Variants in LGR6 observed in about 807,000 individuals in gnomAD.
LGR6 encodes leucine rich repeat containing G protein-coupled receptor 6.
Under a neutral mutation model 69.4 loss-of-function variants are expected in LGR6, and 45 were observed. That is an observed-to-expected ratio of 0.65 (90% CI 0.51 to 0.83). The LOEUF is 0.83. Among genes scored for constraint, LGR6 ranks in the 40% least tolerant of loss-of-function variants. The pLI is 0.00. For missense variants in LGR6, 1,108 were observed against 1,246.7 expected, an observed-to-expected ratio of 0.89 and a Z score of 1.68; for synonymous variants, 538 against 555.0, an observed-to-expected ratio of 0.97 and a Z score of 0.43.
chr1:202,307,660 C>G lies in LGR6; in HGVS notation c.1280+259C>G, dbSNP rs906115533. 4.6e-5 allele frequency among the ~76,000 whole-genome samples: 7 copies of G among 152,182 alleles called. No individual in the cohort carries two copies. In the South Asian group the frequency reaches 1.4e-3, roughly 32 times the overall value. ...GGCAGCCTCAGCCCTCCTCATCCCC[C>G]CTGCCTCGGTCCCATCCCCATCCTC... On this transcript the variant is annotated intron_variant, in intron 14 of 17. Coordinates refer to ENST00000367278, the MANE Select transcript of LGR6 (RefSeq NM_001017403.2).
rs1397213585 is a variant in LGR6 at position 202,306,942 on chromosome 1, G to A, written c.1208+3G>A. ...CAGCTGAGCTCCCTGCAAGCCCTGTGAGTACCCACATCCAGGGGTGGGCCA... is the reference window on the plus strand; with the variant it reads ...CAGCTGAGCTCCCTGCAAGCCCTGTAAGTACCCACATCCAGGGGTGGGCCA... On this transcript the variant is annotated splice_donor_region_variant and intron_variant, in intron 13 of 17. Transcript: ENST00000367278. 2.5e-6 allele frequency: 4 copies of A among 1,613,466 alleles called. No individual in the cohort carries two copies. The highest frequency in any genetic ancestry group is 3.4e-6 in the Non-Finnish European group (4 of 1,179,594).
intron 17 of LGR6, among the ~76,000 whole-genome samples, chr1:202,315,763 T>A (rs922304145): frequency 9.2e-5 from 14 of 152,200 alleles, no homozygotes; most frequent in Non-Finnish European, 2.1e-4. Context: ...GAGTTTTCAG[T>A]GCTTGGTGAC....
chr1:202,254,327 T>C (rs1345777926), intron 4 of LGR6, among the ~76,000 whole-genome samples: 1 of 152,218 alleles, frequency 6.6e-6, no homozygotes, highest in Non-Finnish European at 1.5e-5. Context: ...TGAGGCAGGA[T>C]GCTTTGTGCA....
intron 1 of LGR6, among the ~76,000 whole-genome samples, chr1:202,219,886 A>AT (rs896839703): frequency 2.6e-5 from 4 of 151,764 alleles, no homozygotes; most frequent in South Asian, 4.2e-4. Flanking sequence ...TATTTTATTT[A>AT]TTTTTTTTGA....
At chr1:202,205,650 A>G (rs1659179644) in intron 1 of LGR6, among the ~76,000 whole-genome samples, 1 of 144,904 alleles carries the variant, frequency 6.9e-6, no homozygotes, top group Non-Finnish European at 1.5e-5. Flanking sequence ...AAACACACAC[A>G]CACACGCACA....
intron 2 of LGR6, among the ~76,000 whole-genome samples, chr1:202,226,779 G>A (rs6688835): frequency 0.019 from 2,916 of 152,302 alleles, 110 homozygotes; most frequent in African/African-American, 0.066. Flanking sequence ...GTAAGGGAGT[G>A]GTCAGGGTTG....
chr1:202,282,070 C>T (rs936999563), intron 6 of LGR6, among the ~76,000 whole-genome samples: 4 of 152,292 alleles, frequency 2.6e-5, no homozygotes, highest in African/African-American at 9.6e-5. Flanking sequence ...TAGCCTGAAG[C>T]GGGAGAAATG....
Position 202,318,874 on chromosome 1 carries a change from G to A in LGR6, c.2571G>A (p.Gly857=), listed in dbSNP as rs1213167665. ...DSGPLAYAAA[G]ELEKSSCDST... ...GGCCCCTAGCCTATGCTGCGGCCGGGGAGCTGGAGAAGAGCTCCTGTGATT... is the reference window on the plus strand; with the variant it reads ...GGCCCCTAGCCTATGCTGCGGCCGGAGAGCTGGAGAAGAGCTCCTGTGATT... Residue 857 remains glycine, a synonymous_variant, in exon 18 of 18, where the codon GGG becomes GGA. Transcript: ENST00000367278. The A allele has an allele frequency of 6.2e-7, 1 of 1,613,968 alleles. No individual in the cohort carries two copies. The highest frequency in any genetic ancestry group is 1.1e-5 in the South Asian group (1 of 91,052).
chr1:202,310,722 C>A (rs1653657018), intron 16 of LGR6, among the ~76,000 whole-genome samples: 1 of 152,116 alleles, frequency 6.6e-6, no homozygotes, highest in Non-Finnish European at 1.5e-5. Flanking sequence ...AGAAGACAGA[C>A]CCCTTATTTT....
At chr1:202,237,887 C>T (rs999917155) in intron 4 of LGR6, among the ~76,000 whole-genome samples, 4 of 151,892 alleles carry the variant, frequency 2.6e-5, no homozygotes, top group Non-Finnish European at 5.9e-5. Flanking sequence ...CCTCTCTGCA[C>T]CTCAGTTTCT....
In LGR6 at chr1:202,310,294, C is replaced by T; in HGVS notation, c.1504C>T (p.Leu502Phe). The T allele has an allele frequency of 1.2e-6, 2 of 1,614,064 alleles. No individual in the cohort carries two copies. Among genetic ancestry groups the T allele is most frequent in the South Asian group, 1.1e-5 (1 of 91,066 alleles). Reference protein sequence around the residue: ...SGQWEAEDLHLDDEESSKRPL... With the variant: ...SGQWEAEDLHFDDEESSKRPL... ...GCAGTGGGAGGCTGAAGACCTTCAC[C>T]TTGATGATGAGGAGTCTTCAAAAAG... is the stretch of plus-strand genomic sequence containing the variant. Residue 502 changes from leucine (L) to phenylalanine (F), a missense_variant, in exon 16 of 18, where the codon CTT (leucine) becomes TTT (phenylalanine). Physicochemically the swap from Leu to Phe is conservative, Grantham distance 22 (BLOSUM62 0). Transcript: ENST00000367278.
chr1:202,236,960 A>T (rs1661616439), intron 4 of LGR6, among the ~76,000 whole-genome samples: 1 of 152,108 alleles, frequency 6.6e-6, no homozygotes, highest in African/African-American at 2.4e-5. Context: ...TTTCCTTCTC[A>T]TGACTGATAT....
At chr1:202,261,824 C>T (rs1297630670) in intron 4 of LGR6, among the ~76,000 whole-genome samples, 1 of 152,250 alleles carries the variant, frequency 6.6e-6, no homozygotes, top group African/African-American at 2.4e-5. Flanking sequence ...TTGCATTTCT[C>T]TGATGGCCAG....
chr1:202,243,114 A>G lies in LGR6; in HGVS notation c.428+7121A>G, dbSNP rs35570947. On this transcript the variant is annotated intron_variant, in intron 4 of 17. Transcript: ENST00000367278. The stretch of plus-strand genomic sequence containing the variant: ...TAACCAGGGTGCTGGGCTGCCTCTC[A>G]AGAGCAATTCTGAGAGGGCTGAATG... Among the ~76,000 whole-genome samples the G allele has an allele frequency of 1.1e-4, 15 of 140,182 alleles. 1 individual carries two copies. In the East Asian group the frequency reaches 3.1e-3, roughly 29 times the overall value. The allele number at this position is 140,182 out of a possible 152,430, so 92.0% of individuals were successfully genotyped here.
Position 202,305,697 on chromosome 1 carries a change from A to G in LGR6, c.1084A>G (p.Asn362Asp), listed in dbSNP as rs759748423. The G allele has an allele frequency of 2.5e-6, 4 of 1,613,862 alleles. No individual in the cohort carries two copies. Residue 362 changes from asparagine to aspartate, a missense_variant, in exon 12 of 18, where the codon AAT becomes GAT. Physicochemically the swap from Asn to Asp is conservative, Grantham distance 23 (BLOSUM62 1). Transcript: ENST00000367278. Reference sequence around the variant, plus strand: ...TCTTTTCCCCAGGGAACTGTCTCACAATCAAATTGAGGAGCTGCCCAGCCT... The same window carrying G: ...TCTTTTCCCCAGGGAACTGTCTCACGATCAAATTGAGGAGCTGCCCAGCCT... ...PRLRVLELSH[N>D]QIEELPSLHR... is the part of the protein sequence containing the mutation.
intron 4 of LGR6, among the ~76,000 whole-genome samples, chr1:202,262,098 G>A (rs1031128226): frequency 2.0e-4 from 31 of 151,750 alleles, no homozygotes; most frequent in African/African-American, 4.6e-4. Context: ...ATTAGATCCC[G>A]TTTGTCAATT....
chr1:202,204,695 A>T (rs1558003994), intron 1 of LGR6, among the ~76,000 whole-genome samples: 4 of 4,180 alleles, frequency 9.6e-4, no homozygotes, highest in South Asian at 0.011. Flanking sequence ...ACACACCCCC[A>T]AACACACACA....
chr1:202,292,221 A>T (rs1001421985), intron 6 of LGR6, among the ~76,000 whole-genome samples: 2 of 152,178 alleles, frequency 1.3e-5, no homozygotes, highest in East Asian at 1.9e-4. Flanking sequence ...AGATTTTTCA[A>T]CAGGAGAGTG....
chr1:202,256,833 A>G (rs1663812985), intron 4 of LGR6, among the ~76,000 whole-genome samples: 1 of 152,222 alleles, frequency 6.6e-6, no homozygotes, highest in Admixed American at 6.5e-5. Context: ...TATTTCTGCC[A>G]GTATTGTATG....
Sources: gnomAD v4.1 joint callset for allele counts (sites outside exome capture counted in the v4.1 genomes callset) on GRCh38, gnomAD v4.1.1 for gene constraint, MANE v1.5 for transcripts, NCBI Gene and HGNC (gene_info 2026-07-23, HGNC 2026-07-21) for gene names.